MRTFA: variants seen among roughly 807,000 people sequenced by gnomAD.
MRTFA encodes myocardin related transcription factor A.
MRTFA carries 20 observed loss-of-function variants against 83.5 expected under a neutral mutation model. The observed-to-expected ratio is 0.24, with a 90% CI of 0.17 to 0.35. The LOEUF is 0.35. Ranked by LOEUF, MRTFA falls within the 10% of genes least tolerant of loss-of-function variation. MRTFA has a pLI of 1.00. For synonymous variants in MRTFA, 659 were observed against 541.2 expected (o/e 1.22, Z -3.02); for missense variants, 1,200 against 1,224.7 (o/e 0.98, Z 0.30).
rs376096085 is a variant in MRTFA, at chr22:40,418,894, C to T, written c.1844G>A (p.Arg615Gln). ...CTTGTCGCGCCCCTCTAGCTCCGCCCGCCCCCCAGGGCTCAGGCAACAGGA... is the reference window on the plus strand; with the variant it reads ...CTTGTCGCGCCCCTCTAGCTCCGCCTGCCCCCCAGGGCTCAGGCAACAGGA... The change falls in exon 12 of 15, where the codon CGG becomes CAG. Residue 615 changes from arginine (R) to glutamine (Q), a missense_variant. Arg to Gln is a conservative substitution (Grantham distance 43). Transcript: ENST00000355630. 5.1e-5 allele frequency: 83 copies of T among 1,612,486 alleles called. No homozygotes were observed. Among genetic ancestry groups the T allele is most frequent in the East Asian group, 2.0e-4 (9 of 44,870 alleles).
At chr22:40,455,861 T>G (rs2053578349) in intron 4 of MRTFA, among the ~76,000 whole-genome samples, 1 of 149,264 alleles carries the variant, frequency 6.7e-6, no homozygotes, top group Non-Finnish European at 1.5e-5. Flanking sequence ...TGAGATGAAG[T>G]CTCACTCTGT....
At chr22:40,447,101 A>C (rs529103386) in intron 4 of MRTFA, among the ~76,000 whole-genome samples, 10 of 152,136 alleles carry the variant, frequency 6.6e-5, no homozygotes, top group Non-Finnish European at 1.3e-4. Context: ...CATGCCTGTA[A>C]TCCTAGCACT....
chr22:40,472,872 G>C (rs1389683652), intron 3 of MRTFA, among the ~76,000 whole-genome samples: 1 of 152,130 alleles, frequency 6.6e-6, no homozygotes, highest in Non-Finnish European at 1.5e-5. Context: ...AGTGAAAATG[G>C]ACCCCCAAGC....
intron 3 of MRTFA, among the ~76,000 whole-genome samples, chr22:40,507,269 G>A (rs538082099): frequency 1.3e-5 from 2 of 152,086 alleles, no homozygotes; most frequent in Non-Finnish European, 2.9e-5. Context: ...GCTGAGGCAG[G>A]ATAATTACTT....
At chr22:40,599,469 T>C (rs368160842) in intron 1 of MRTFA, among the ~76,000 whole-genome samples, 12 of 152,196 alleles carry the variant, frequency 7.9e-5, no homozygotes, top group African/African-American at 2.9e-4. Context: ...ACATTATCCT[T>C]ATCTTCTAAA....
In MRTFA at chr22:40,424,247, T is replaced by C; in HGVS notation, c.736A>G (p.Ser246Gly). The change falls in exon 8 of 15, where the codon AGC becomes GGC. Residue 246 changes from serine (S) to glycine (G), a missense_variant. Physicochemically the swap from Ser to Gly is moderately conservative, Grantham distance 56. Transcript: ENST00000355630. The stretch of plus-strand genomic sequence containing the variant: ...GAGGTGGCACTGAGCAGTGGTTCGC[T>C]GACTCGGGCCTCCAGGGGTGACGGC... 1.2e-6 allele frequency: 2 copies of C among 1,606,974 alleles called. No individual in the cohort carries two copies. Among genetic ancestry groups the C allele is most frequent in the Non-Finnish European group, 1.7e-6 (2 of 1,177,750 alleles).
intron 4 of MRTFA, among the ~76,000 whole-genome samples, chr22:40,440,189 G>A (rs2053249841): frequency 6.7e-6 from 1 of 149,052 alleles, no homozygotes; most frequent in East Asian, 2.0e-4. Flanking sequence ...AGATCATAAT[G>A]ACCAATCCCA....
chr22:40,591,004 A>G (rs1311042137), intron 2 of MRTFA, among the ~76,000 whole-genome samples: 3 of 151,998 alleles, frequency 2.0e-5, no homozygotes, highest in Non-Finnish European at 4.4e-5. Flanking sequence ...GCGTGGTGGC[A>G]CGCGCCTGTA....
rs188053640 is a variant in MRTFA at position 40,599,069 on chromosome 22, G to A, written c.-83-4334C>T. Among the ~76,000 whole-genome samples the A allele has an allele frequency of 2.4e-3, 356 of 151,382 alleles. 1 individual carries two copies. Among genetic ancestry groups the A allele is most frequent in the Non-Finnish European group, 3.5e-3 (241 of 67,912 alleles). ...TCCCAGAACCTTGGGGGGCCGGGGC[G>A]GGCTGATCACCTGAGGTTGGGAGTT... On this transcript the variant is annotated intron_variant, in intron 1 of 14. Coordinates refer to ENST00000355630, the MANE Select transcript of MRTFA (RefSeq NM_020831.6).
At chr22:40,525,807 C>T (rs534803566) in intron 3 of MRTFA, among the ~76,000 whole-genome samples, 4 of 152,032 alleles carry the variant, frequency 2.6e-5, no homozygotes, top group African/African-American at 9.6e-5. Context: ...TTATTAAGTG[C>T]TTACAATACA....
intron 4 of MRTFA, among the ~76,000 whole-genome samples, chr22:40,445,633 C>A (rs753522328): frequency 6.6e-6 from 1 of 152,188 alleles, no homozygotes; most frequent in African/African-American, 2.4e-5. Flanking sequence ...ACTGCAACCT[C>A]CACCTCCTGG....
chr22:40,470,231 TTATATATATATATATATATA>T (rs71328709), intron 3 of MRTFA, among the ~76,000 whole-genome samples: 12,311 of 45,654 alleles, frequency 0.27, 1,700 homozygotes, highest in Middle Eastern at 0.38. Context: ...CTCCAAAATT[TTATATATATATATATATATA>T]TATATATATA....
chr22:40,411,256 CAGGGA>C lies in MRTFA; in HGVS notation c.*129_*133del. 1.0e-6 allele frequency: 1 copy of C among 1,004,240 alleles called. No homozygotes were observed. Among genetic ancestry groups the C allele is most frequent in the East Asian group, 2.6e-5 (1 of 39,150 alleles). 62.2% of individuals were successfully genotyped at this position (1,004,240 alleles called of 1,614,324 possible). A position where few individuals can be genotyped will look rare whatever the true frequency, so the allele number is the denominator to read the frequency against. ...TAAGGGCTTCTCTGTTCTAGCCTCC[CAGGGA>C]AGGGAAAAAGCAGGGGCTGTGATTG... is the stretch of plus-strand genomic sequence containing the variant. On this transcript the variant is annotated 3_prime_UTR_variant, in exon 15 of 15. Transcript: ENST00000355630.
intron 1 of MRTFA, among the ~76,000 whole-genome samples, chr22:40,614,917 T>C (rs911920535): frequency 1.3e-5 from 2 of 152,220 alleles, no homozygotes; most frequent in African/African-American, 4.8e-5. Context: ...TGTGTAAATA[T>C]TTCCTCCCAA....
At chr22:40,570,154 A>G (rs2055768059) in intron 2 of MRTFA, among the ~76,000 whole-genome samples, 1 of 152,194 alleles carries the variant, frequency 6.6e-6, no homozygotes, top group African/African-American at 2.4e-5. Flanking sequence ...CATAAGTTTT[A>G]GCTAAATACA....
intron 3 of MRTFA, among the ~76,000 whole-genome samples, chr22:40,508,758 C>A (rs1489604635): frequency 6.6e-6 from 1 of 150,504 alleles, no homozygotes; most frequent in Non-Finnish European, 1.5e-5. Flanking sequence ...TGGCTCACAC[C>A]TGTAATCCCA....
chr22:40,626,438 G>A (rs1264339404), intron 1 of MRTFA, among the ~76,000 whole-genome samples: 2 of 152,092 alleles, frequency 1.3e-5, no homozygotes, highest in East Asian at 3.8e-4. Context: ...GATTATCGGT[G>A]CACAGCGCCG....
At position 40,629,698 on chromosome 22, in the gene MRTFA, C is replaced by A. The variant is rs903530441; in HGVS notation, c.-84+6780G>T. Among the ~76,000 whole-genome samples, 4 of 150,124 alleles carry A rather than the reference C, an allele frequency of 2.7e-5. No individual in the cohort carries two copies. The Admixed American group carries it at 2.7e-4, about 10-fold the overall frequency. ...GGCTAAGGCAGGAGAATTGCTTGAACCCAGGATGCGGAGCTTGCAGTGAGC... is the reference window on the plus strand; with the variant it reads ...GGCTAAGGCAGGAGAATTGCTTGAAACCAGGATGCGGAGCTTGCAGTGAGC... On this transcript the variant is annotated intron_variant, in intron 1 of 14. Transcript: ENST00000355630.
At chr22:40,622,607 C>T (rs1193155866) in intron 1 of MRTFA, among the ~76,000 whole-genome samples, 3 of 152,072 alleles carry the variant, frequency 2.0e-5, no homozygotes, top group Non-Finnish European at 2.9e-5. Context: ...TTTAAAGATG[C>T]TGACCTTGAA....
Sources: gnomAD v4.1 joint callset for allele counts (sites outside exome capture counted in the v4.1 genomes callset) on GRCh38, gnomAD v4.1.1 for gene constraint, MANE v1.5 for transcripts, NCBI Gene and HGNC (gene_info 2026-07-23, HGNC 2026-07-21) for gene names.